Variants in NRXN3 observed in about 807,000 individuals in gnomAD.
NRXN3 encodes the protein neurexin 3.
In NRXN3, 32 loss-of-function variants were observed where a neutral mutation model predicts 137.6. The ratio of observed to expected loss-of-function variants is 0.23; its 90% CI spans 0.18 to 0.31. NRXN3 has a LOEUF of 0.31. Among genes scored for constraint, NRXN3 ranks in the 10% least tolerant of loss-of-function variants. NRXN3 has a pLI of 1.00. For synonymous variants in NRXN3, 798 were observed against 784.5 expected, an observed-to-expected ratio of 1.02 and a Z score of -0.29; for missense variants, 1,574 against 2,062.5, an observed-to-expected ratio of 0.76 and a Z score of 4.59.
chr14:79,676,028 C>T (rs557987033), intron 17 of NRXN3, among the ~76,000 whole-genome samples: 8 of 152,098 alleles, frequency 5.3e-5, no homozygotes, highest in East Asian at 1.9e-4. Context: ...TTCTCCTACC[C>T]GCACCCTGAT....
chr14:79,712,548 A>ATATT, intron 19 of NRXN3, among the ~76,000 whole-genome samples: 1 of 152,304 alleles, frequency 6.6e-6, no homozygotes, highest in East Asian at 1.9e-4. Flanking sequence ...ACAACAGACT[A>ATATT]TATTTCTACC....
chr14:78,650,675 TAAAAG>T (rs1405290825), intron 5 of NRXN3, among the ~76,000 whole-genome samples: 89 of 149,606 alleles, frequency 5.9e-4, no homozygotes, highest in African/African-American at 1.8e-3. Context: ...ACAATAAAGA[TAAAAG>T]AAAAGAAAAA....
chr14:79,592,918 A>G (rs1256163839), intron 16 of NRXN3, among the ~76,000 whole-genome samples: 1 of 152,240 alleles, frequency 6.6e-6, no homozygotes, highest in Non-Finnish European at 1.5e-5. Flanking sequence ...CTGATGAAAA[A>G]TAATGAGACA....
intron 9 of NRXN3, among the ~76,000 whole-genome samples, chr14:78,804,407 C>T (rs1015513077): frequency 3.3e-5 from 5 of 152,126 alleles, no homozygotes; most frequent in African/African-American, 1.2e-4. Flanking sequence ...AAATAATTCC[C>T]TAAGTTGAGT....
At chr14:79,147,284 G>A (rs2153018541) in intron 15 of NRXN3, among the ~76,000 whole-genome samples, 1 of 152,244 alleles carries the variant, frequency 6.6e-6, no homozygotes, top group East Asian at 1.9e-4. Context: ...CATTTGCTGA[G>A]TATCATTGGT....
intron 15 of NRXN3, among the ~76,000 whole-genome samples, chr14:79,270,226 T>C (rs1367636047): frequency 1.3e-5 from 2 of 152,220 alleles, no homozygotes; most frequent in Non-Finnish European, 2.9e-5. Flanking sequence ...TTGCAGTGAA[T>C]CTTTGATTTT....
intron 4 of NRXN3, among the ~76,000 whole-genome samples, chr14:78,640,481 C>A (rs1601749737): frequency 6.6e-6 from 1 of 152,220 alleles, no homozygotes; most frequent in East Asian, 1.9e-4. Flanking sequence ...CCCCACACTT[C>A]TTAGATTGCA....
intron 8 of NRXN3, among the ~76,000 whole-genome samples, chr14:78,730,976 T>C (rs1247776085): frequency 2.0e-5 from 3 of 152,208 alleles, no homozygotes; most frequent in Non-Finnish European, 4.4e-5. Context: ...TTGTAAATTT[T>C]CTTTTTCCCC....
In NRXN3 at chr14:78,467,086, A is replaced by G. The variant is rs1046356356; in HGVS notation, c.757+169226A>G. ...CAGACTGAAGTAATGTATGTCTCAC[A>G]TGTATTGATTGATGTCTTCTGTCTC... On this transcript the variant is annotated intron_variant, in intron 4 of 20. Coordinates refer to ENST00000335750, the MANE Select transcript of NRXN3 (RefSeq NM_001330195.2). Among the ~76,000 whole-genome samples, 63 of 152,146 alleles carry G rather than the reference A, an allele frequency of 4.1e-4. 1 individual carries two copies. Among genetic ancestry groups the G allele is most frequent in the Non-Finnish European group, 8.8e-5 (6 of 68,038 alleles).
At chr14:79,547,386 T>C (rs1326769222) in intron 16 of NRXN3, among the ~76,000 whole-genome samples, 3 of 152,170 alleles carry the variant, frequency 2.0e-5, no homozygotes, top group Non-Finnish European at 4.4e-5. Flanking sequence ...GAAACAAAGC[T>C]GCTAACTCCA....
intron 1 of NRXN3, among the ~76,000 whole-genome samples, chr14:78,182,586 C>T (rs555692761): frequency 4.9e-4 from 74 of 152,300 alleles, no homozygotes; most frequent in African/African-American, 1.8e-3. Context: ...TCTCCTGCCT[C>T]AGCCTCCCGA....
In NRXN3 at chr14:79,663,816, A is replaced by T. The variant is rs1603388028; in HGVS notation, c.3483A>T (p.Thr1161=). Residue 1161 remains threonine, a synonymous_variant, in exon 17 of 21, where the codon ACA becomes ACT. Coordinates refer to ENST00000335750, the MANE Select transcript of NRXN3 (RefSeq NM_001330195.2). ...GKIGVVFNIG[T]VDISIKEERT... Reference sequence around the variant, plus strand: ...TTGGAGTTGTCTTCAACATTGGCACAGTTGACATCTCCATCAAAGAGGAGA... The same window carrying T: ...TTGGAGTTGTCTTCAACATTGGCACTGTTGACATCTCCATCAAAGAGGAGA... 6.2e-7 allele frequency: 1 copy of T among 1,613,308 alleles called. No individual in the cohort carries two copies. Among genetic ancestry groups the T allele is most frequent in the Non-Finnish European group, 8.5e-7 (1 of 1,179,586 alleles).
chr14:79,249,582 A>G (rs1337482966), intron 15 of NRXN3, among the ~76,000 whole-genome samples: 1 of 152,200 alleles, frequency 6.6e-6, no homozygotes, highest in Non-Finnish European at 1.5e-5. Context: ...CAACTCGGTT[A>G]TCACTTTGGT....
chr14:79,608,497 G>A (rs2098052841), intron 16 of NRXN3, among the ~76,000 whole-genome samples: 1 of 152,170 alleles, frequency 6.6e-6, no homozygotes. Context: ...TGAAGTACAG[G>A]CAAGCTTCTC....
Position 79,025,928 on chromosome 14 carries a change from C to T in NRXN3, c.3262+37787C>T, listed in dbSNP as rs1476982483. 7.2e-5 allele frequency among the ~76,000 whole-genome samples: 11 copies of T among 152,178 alleles called. No homozygotes were observed. In the East Asian group the frequency reaches 1.7e-3, roughly 24 times the overall value. On this transcript the variant is annotated intron_variant, in intron 15 of 20. Coordinates refer to ENST00000335750, the MANE Select transcript of NRXN3 (RefSeq NM_001330195.2). ...CCTTGATGTATATGCTTTCAGCCTCCAGTTTGTTGCCTCTTAGTCACAGTA... is the reference window on the plus strand; with the variant it reads ...CCTTGATGTATATGCTTTCAGCCTCTAGTTTGTTGCCTCTTAGTCACAGTA...
At chr14:79,130,435 T>C (rs1225397627) in intron 15 of NRXN3, among the ~76,000 whole-genome samples, 1 of 152,052 alleles carries the variant, frequency 6.6e-6, no homozygotes, top group Admixed American at 6.6e-5. Flanking sequence ...CCTTCACTTA[T>C]GAAGCTTAGT....
intron 10 of NRXN3, among the ~76,000 whole-genome samples, chr14:78,926,818 TATTATATATA>T (rs1255264138): frequency 5.8e-5 from 3 of 51,614 alleles, no homozygotes; most frequent in South Asian, 8.9e-4. Flanking sequence ...ATATATTATA[TATTATATATA>T]ATTTATATAA....
At chr14:78,440,430 C>G (rs189958457) in intron 4 of NRXN3, among the ~76,000 whole-genome samples, 45 of 134,760 alleles carry the variant, frequency 3.3e-4, no homozygotes, top group Non-Finnish European at 6.1e-4. Context: ...TATAAATACT[C>G]CCTTCCTTGA....
intron 4 of NRXN3, among the ~76,000 whole-genome samples, chr14:78,329,464 T>G (rs541058946): frequency 6.6e-6 from 1 of 152,320 alleles, no homozygotes; most frequent in African/African-American, 2.4e-5. Flanking sequence ...GTTTTGGATT[T>G]GTATTTATTT....
Sources: allele counts gnomAD v4.1 joint callset (sites outside exome capture counted in the v4.1 genomes callset), GRCh38; gene constraint gnomAD v4.1.1; transcripts MANE v1.5; gene names NCBI Gene and HGNC (gene_info 2026-07-23, HGNC 2026-07-21).